EPB41: variants seen among roughly 807,000 people sequenced by gnomAD.
The protein encoded by EPB41 is erythrocyte membrane protein band 4.1.
In EPB41, 65 loss-of-function variants were observed where a neutral mutation model predicts 108.0. The observed-to-expected ratio is 0.60, with a 90% confidence interval of 0.49 to 0.74. The LOEUF (loss-of-function observed/expected upper bound fraction) is 0.74. Among genes scored for constraint, EPB41 ranks in the 30% least tolerant of loss-of-function variants. The probability of loss-of-function intolerance (pLI) is 0.00; values close to 1 mark genes in which losing one functional copy is unlikely to be tolerated. For missense variants in EPB41, 875 were observed against 1,037.0 expected, an observed-to-expected ratio of 0.84 and a Z score of 2.15; for synonymous variants, 336 against 358.9, an observed-to-expected ratio of 0.94 and a Z score of 0.72.
chr1:29,016,176 G>GT (rs1416747040), intron 6 of EPB41, among the ~76,000 whole-genome samples: 1 of 151,716 alleles, frequency 6.6e-6, no homozygotes, highest in Non-Finnish European at 1.5e-5. Context: ...TCTTTTTGTT[G>GT]TTGTTTTTTG....
intron 11 of EPB41, among the ~76,000 whole-genome samples, chr1:29,043,060 G>A (rs377627030): frequency 5.9e-5 from 9 of 152,140 alleles, no homozygotes; most frequent in South Asian, 2.1e-4. Flanking sequence ...AGATACAGCC[G>A]TGAGCACACA....
Position 29,018,457 on chromosome 1 carries a change from A to C in EPB41, c.1124+15A>C, listed in dbSNP as rs1366822201. On this transcript the variant is annotated intron_variant, in intron 7 of 20. Transcript: ENST00000343067. This position sits in a 1 kb window ranked among gnomAD's most constrained non-coding sequence, Gnocchi z 4.4. ...AAGTCATACAGGTGAATATGTCTCC[A>C]GGGTTTGTTCGGTGTTTGTTTTGGC... The C allele has an allele frequency of 1.5e-5, 24 of 1,609,430 alleles. No homozygotes were observed. Among genetic ancestry groups the C allele is most frequent in the Middle Eastern group, 1.7e-4 (1 of 6,054 alleles).
intron 1 of EPB41, among the ~76,000 whole-genome samples, chr1:28,896,378 A>G (rs1400135130): frequency 6.6e-6 from 1 of 152,170 alleles, no homozygotes; most frequent in Non-Finnish European, 1.5e-5. Flanking sequence ...ATGTGAAGGG[A>G]GGGAGGTGGC....
At chr1:28,968,682 G>C (rs1029581473) in intron 1 of EPB41, among the ~76,000 whole-genome samples, 1 of 152,032 alleles carries the variant, frequency 6.6e-6, no homozygotes, top group African/African-American at 2.4e-5. Context: ...AACTAAATGA[G>C]GCCGGGCGCA....
chr1:29,045,434 G>T (rs144473650), intron 11 of EPB41, among the ~76,000 whole-genome samples: 1 of 151,992 alleles, frequency 6.6e-6, no homozygotes, highest in African/African-American at 2.4e-5. Context: ...AGTCACTGCA[G>T]CCTCAGTCTC....
At chr1:29,110,027 T>A (rs1668621522) in intron 18 of EPB41, among the ~76,000 whole-genome samples, 1 of 146,756 alleles carries the variant, frequency 6.8e-6, no homozygotes, top group Non-Finnish European at 1.5e-5. Context: ...GAGCAGACTC[T>A]ATCTCAATAG....
At chr1:29,063,069 C>T (rs1171257356) in intron 15 of EPB41, among the ~76,000 whole-genome samples, 3 of 152,124 alleles carry the variant, frequency 2.0e-5, no homozygotes. Flanking sequence ...TCTATTCACA[C>T]CTTTAACCCT....
chr1:28,992,621 G>A (rs757522388), intron 2 of EPB41, among the ~76,000 whole-genome samples: 12 of 152,132 alleles, frequency 7.9e-5, no homozygotes, highest in Non-Finnish European at 1.3e-4. Context: ...CCCTGGAGGC[G>A]GAGCTTGGAG....
chr1:28,887,139 G>C (rs1247523152), upstream of EPB41: 1 of 983,554 alleles, frequency 1.0e-6, no homozygotes, highest in African/African-American at 1.7e-5. This position sits in a 1 kb window ranked among gnomAD's most constrained non-coding sequence, Gnocchi z 4.9. Flanking sequence ...AAAGTGGCAG[G>C]AACCTCTTAA....
chr1:29,111,589 C>G (rs1454482422), intron 18 of EPB41, among the ~76,000 whole-genome samples: 1 of 151,614 alleles, frequency 6.6e-6, no homozygotes, highest in African/African-American at 2.4e-5. Flanking sequence ...GTAGACAGAG[C>G]TTGCAGTGAG....
At chr1:28,958,819 C>CAAAAAAAAAAAA (rs35105287) in intron 1 of EPB41, among the ~76,000 whole-genome samples, 18 of 65,672 alleles carry the variant, frequency 2.7e-4, no homozygotes, top group African/African-American at 3.5e-4. Context: ...ACCCTGTCTC[C>CAAAAAAAAAAAA]AAAAAAAAAA....
chr1:28,975,706 C>T (rs1009404828), intron 1 of EPB41, among the ~76,000 whole-genome samples: 6 of 152,036 alleles, frequency 3.9e-5, no homozygotes, highest in Non-Finnish European at 8.8e-5. Context: ...CGGTGGCTCA[C>T]GCCTGTAATC....
intron 4 of EPB41, among the ~76,000 whole-genome samples, chr1:28,998,263 A>G (rs951553759): frequency 6.6e-6 from 1 of 152,182 alleles, no homozygotes; most frequent in African/African-American, 2.4e-5. Context: ...GGCTTGTGTA[A>G]GACCTGGAGT....
rs2096607164 is a variant in EPB41 at position 29,018,666 on chromosome 1, T to C, written c.1124+224T>C. On this transcript the variant is annotated intron_variant, in intron 7 of 20. Transcript: ENST00000343067. This position sits in a 1 kb window ranked among gnomAD's most constrained non-coding sequence, Gnocchi z 4.4. ...AGGGTGAAAACTAAATGAGGTAATATATGTAAAGCACTTAGCACAGTGGCT... is the reference window on the plus strand; with the variant it reads ...AGGGTGAAAACTAAATGAGGTAATACATGTAAAGCACTTAGCACAGTGGCT... Among the ~76,000 whole-genome samples, 1 of 152,148 alleles carries C rather than the reference T, an allele frequency of 6.6e-6. No homozygotes were observed. Among genetic ancestry groups the C allele is most frequent in the African/African-American group, 2.4e-5 (1 of 41,438 alleles).
intron 4 of EPB41, among the ~76,000 whole-genome samples, chr1:28,999,592 G>A (rs900525605): frequency 1.1e-4 from 16 of 151,968 alleles, no homozygotes; most frequent in African/African-American, 3.9e-4. Context: ...ATTTTTTTCT[G>A]TGATCTAAGC....
In EPB41 at chr1:29,097,676, T is replaced by G. The variant is rs1267021392; in HGVS notation, c.2185-131T>G. ...AATACTGTCGAAGTCTTAGGCAGGG[T>G]AAACACCTTTGTAGATTGAGCTAGC... On this transcript the variant is annotated intron_variant, in intron 16 of 20. Coordinates refer to ENST00000343067, the MANE Select transcript of EPB41 (RefSeq NM_001376013.1). The G allele has an allele frequency of 3.6e-6, 4 of 1,120,868 alleles. No homozygotes were observed. In the East Asian group the frequency reaches 9.7e-5, roughly 27 times the overall value. The allele number at this position is 1,120,868 out of a possible 1,614,324, so 69.4% of individuals were successfully genotyped here.
chr1:28,933,882 A>G (rs2093867022), intron 1 of EPB41, among the ~76,000 whole-genome samples: 1 of 152,174 alleles, frequency 6.6e-6, no homozygotes, highest in Non-Finnish European at 1.5e-5. Context: ...CCCACACTGC[A>G]GTTTCCTCTA....
intron 1 of EPB41, among the ~76,000 whole-genome samples, chr1:28,983,724 T>G (rs2095809361): frequency 6.6e-6 from 1 of 152,114 alleles, no homozygotes; most frequent in African/African-American, 2.4e-5. Flanking sequence ...GGGGGCAGTA[T>G]CTGCATCCCT....
At chr1:28,998,440 T>C (rs1481434402) in intron 4 of EPB41, among the ~76,000 whole-genome samples, 1 of 152,220 alleles carries the variant, frequency 6.6e-6, no homozygotes, top group Non-Finnish European at 1.5e-5. Context: ...TTAAGCCATT[T>C]AAGTTCATCC....
Sources: gnomAD v4.1 joint callset for allele counts (sites outside exome capture counted in the v4.1 genomes callset) on GRCh38, gnomAD v4.1.1 for gene constraint, Gnocchi (gnomAD v3.1) non-coding constraint, MANE v1.5 for transcripts, NCBI Gene and HGNC (gene_info 2026-07-23, HGNC 2026-07-21) for gene names.